FGD6: variants seen among roughly 807,000 people sequenced by gnomAD.
FGD6 encodes FYVE, RhoGEF and PH domain containing 6, also known as FYVE, RhoGEF and PH domain-containing protein 6.
A neutral mutation model predicts 149.4 loss-of-function variants in FGD6; 90 were observed. That is an observed-to-expected ratio of 0.60 (90% CI 0.51 to 0.72). The LOEUF is 0.72. Ranked by LOEUF, FGD6 falls within the 30% of genes least tolerant of loss-of-function variation. The pLI, the probability that FGD6 is intolerant of heterozygous loss-of-function variation, is 0.00. For synonymous variants in FGD6, 527 were observed against 584.0 expected, an observed-to-expected ratio of 0.90 and a Z score of 1.41; for missense variants, 1,437 against 1,684.8, an observed-to-expected ratio of 0.85 and a Z score of 2.57.
chr12:95,086,152 G>C (rs1877856812), intron 18 of FGD6, among the ~76,000 whole-genome samples: 1 of 152,164 alleles, frequency 6.6e-6, no homozygotes, highest in South Asian at 2.1e-4. Context: ...GCACGTGTTT[G>C]CGTATGTTTC....
At chr12:95,116,246 G>C (rs1258932459) in intron 8 of FGD6, among the ~76,000 whole-genome samples, 1 of 152,078 alleles carries the variant, frequency 6.6e-6, no homozygotes, top group African/African-American at 2.4e-5. Flanking sequence ...ACAGTTGACA[G>C]GGTTGGGGAG....
chr12:95,204,184 A>G (rs1370537664), intron 2 of FGD6, among the ~76,000 whole-genome samples: 2 of 152,178 alleles, frequency 1.3e-5, no homozygotes, highest in Non-Finnish European at 2.9e-5. Flanking sequence ...AGCGGTGACT[A>G]AATGATGACC....
Position 95,105,048 on chromosome 12 carries a change from T to C in FGD6, c.3456A>G (p.Leu1152=). The C allele has an allele frequency of 6.2e-7, 1 of 1,610,378 alleles. No homozygotes were observed. The highest frequency in any genetic ancestry group is 8.5e-7 in the Non-Finnish European group (1 of 1,179,180). Reference sequence around the variant, plus strand: ...AGGAACGTTCTACACTTTCAATCTTTAATTCATTCTGATAGGCTTCTTGGG... The same window carrying C: ...AGGAACGTTCTACACTTTCAATCTTCAATTCATTCTGATAGGCTTCTTGGG... ...KPTQEAYQNE[L]KIESVERSFI... Residue 1152 remains leucine (L), a synonymous_variant, in exon 14 of 21, where the codon TTA becomes TTG. Transcript: ENST00000343958.
At chr12:95,189,783 A>G (rs987871408) in intron 2 of FGD6, 1 of 152,180 alleles carries the variant, frequency 6.6e-6, no homozygotes, top group Non-Finnish European at 1.5e-5. Flanking sequence ...AAACCTCCTA[A>G]CCTAGCTAGA....
intron 2 of FGD6, among the ~76,000 whole-genome samples, chr12:95,188,802 T>A (rs1245362968): frequency 2.4e-5 from 2 of 83,196 alleles, no homozygotes; most frequent in Non-Finnish European, 4.6e-5. Flanking sequence ...TAAAAACAAC[T>A]TTTTTTTTTT....
intron 8 of FGD6, among the ~76,000 whole-genome samples, chr12:95,119,714 G>C (rs992146608): frequency 6.6e-6 from 1 of 152,062 alleles, no homozygotes; most frequent in Admixed American, 6.6e-5. Context: ...GCAGATCACC[G>C]GAGGTCAGGA....
chr12:95,129,832 C>G (rs993746751), intron 8 of FGD6, among the ~76,000 whole-genome samples: 1 of 152,070 alleles, frequency 6.6e-6, no homozygotes, highest in Non-Finnish European at 1.5e-5. Flanking sequence ...GCTACCACGC[C>G]CAGCTAATTT....
chr12:95,211,287 A>C lies in FGD6; in HGVS notation c.17-20T>G, dbSNP rs777363726. On this transcript the variant is annotated intron_variant, in intron 1 of 20. Transcript: ENST00000343958. Reference sequence around the variant, plus strand: ...TTATCTCTAGAAAGGAAAAAATAATAATTTGATGTCAAAACAACCAAAGCA... The same window carrying C: ...TTATCTCTAGAAAGGAAAAAATAATCATTTGATGTCAAAACAACCAAAGCA... 2.0e-6 allele frequency: 3 copies of C among 1,526,080 alleles called. No homozygotes were observed. The highest frequency in any genetic ancestry group is 2.6e-6 in the Non-Finnish European group (3 of 1,147,616). The allele number at this position is 1,526,080 out of a possible 1,614,324, so 94.5% of individuals were successfully genotyped here.
chr12:95,194,318 C>T (rs929956586), intron 2 of FGD6, among the ~76,000 whole-genome samples: 1 of 152,124 alleles, frequency 6.6e-6, no homozygotes, highest in East Asian at 1.9e-4. Context: ...TCACCACAAC[C>T]TCCACCTCCC....
chr12:95,169,256 A>T (rs1880918186), intron 3 of FGD6, among the ~76,000 whole-genome samples: 1 of 152,218 alleles, frequency 6.6e-6, no homozygotes, highest in Non-Finnish European at 1.5e-5. Flanking sequence ...TGTATATTTT[A>T]AAATAAGAGT....
intron 2 of FGD6, among the ~76,000 whole-genome samples, chr12:95,178,500 A>G (rs1366454974): frequency 2.0e-5 from 3 of 152,194 alleles, no homozygotes; most frequent in Non-Finnish European, 2.9e-5. Context: ...ATGGATGCTG[A>G]TGTTCTTATT....
rs201840186 is a variant in FGD6, at chr12:95,210,313, C to T, written c.971G>A (p.Arg324His). ...TPKPRKTRTA[R>H]LLRQKCVDTP... Reference sequence around the variant, plus strand: ...ATCTACACACTTTTGGCGTAACAGACGAGCAGTTCGTGTCTTTCTGGGCTT... The same window carrying T: ...ATCTACACACTTTTGGCGTAACAGATGAGCAGTTCGTGTCTTTCTGGGCTT... The change falls in exon 2 of 21, where the codon CGT becomes CAT. Residue 324 changes from arginine to histidine, a missense_variant. Around this residue, in one of 2 missense-constraint regions of FGD6, gnomAD observed 1,055 missense variants for 1,146.0 expected, o/e 0.92. Coordinates refer to ENST00000343958, the MANE Select transcript of FGD6 (RefSeq NM_018351.4). 5.5e-5 allele frequency: 88 copies of T among 1,614,110 alleles called. No homozygotes were observed. In the Middle Eastern group the frequency reaches 6.6e-4, roughly 12 times the overall value.
intron 5 of FGD6, among the ~76,000 whole-genome samples, chr12:95,149,473 G>T: frequency 7.8e-6 from 1 of 128,214 alleles, no homozygotes; most frequent in Non-Finnish European, 1.6e-5. Flanking sequence ...ACATCACATA[G>T]TATATATCAC....
chr12:95,116,875 G>T (rs1050422541), intron 8 of FGD6: 14 of 455,830 alleles, frequency 3.1e-5, no homozygotes, highest in Non-Finnish European at 5.7e-5. Context: ...TCCTTAAACA[G>T]TTAAGAATCA....
chr12:95,111,289 C>T (rs538386708), intron 9 of FGD6, among the ~76,000 whole-genome samples: 1 of 152,140 alleles, frequency 6.6e-6, no homozygotes, highest in African/African-American at 2.4e-5. Flanking sequence ...CCACTGCTCA[C>T]CATATGATTG....
chr12:95,156,758 C>T (rs1011127525), intron 3 of FGD6, among the ~76,000 whole-genome samples: 29 of 152,042 alleles, frequency 1.9e-4, no homozygotes, highest in African/African-American at 2.4e-4. Flanking sequence ...ATGTCTCCCC[C>T]GGACACTCAG....
intron 17 of FGD6, among the ~76,000 whole-genome samples, chr12:95,091,063 A>G (rs1170169004): frequency 6.6e-6 from 1 of 152,218 alleles, no homozygotes; most frequent in Non-Finnish European, 1.5e-5. Flanking sequence ...ACTGCACTCC[A>G]GCTTGGGCAA....
intron 2 of FGD6, among the ~76,000 whole-genome samples, chr12:95,204,835 C>T (rs1397520620): frequency 1.3e-5 from 2 of 152,224 alleles, no homozygotes; most frequent in African/African-American, 2.4e-5. Context: ...CTGAGGACTT[C>T]ACCACCATTT....
At chr12:95,110,872 G>A (rs914418356) in intron 9 of FGD6, among the ~76,000 whole-genome samples, 13 of 152,026 alleles carry the variant, frequency 8.6e-5, no homozygotes, top group East Asian at 7.7e-4. Flanking sequence ...CTTTCCCCAC[G>A]TCATCCCGTT....
Sources: allele counts gnomAD v4.1 joint callset (sites outside exome capture counted in the v4.1 genomes callset), GRCh38; gene constraint gnomAD v4.1.1; regional missense constraint gnomAD v4.1.1; transcripts MANE v1.5; gene names NCBI Gene and HGNC (gene_info 2026-07-23, HGNC 2026-07-21).